Variants in KCTD1 observed in about 807,000 individuals in gnomAD.
KCTD1 encodes the protein potassium channel tetramerization domain containing 1.
A neutral mutation model predicts 66.0 loss-of-function variants in KCTD1; 24 were observed. The ratio of observed to expected loss-of-function variants is 0.36; its 90% CI spans 0.26 to 0.51. The LOEUF (loss-of-function observed/expected upper bound fraction) is 0.51. Ranked by LOEUF, KCTD1 falls within the 20% of genes least tolerant of loss-of-function variation. The pLI is 0.95. For missense variants in KCTD1, 943 were observed against 1,205.2 expected, an observed-to-expected ratio of 0.78 and a Z score of 3.22; for synonymous variants, 511 against 517.2, an observed-to-expected ratio of 0.99 and a Z score of 0.16.
chr18:26,593,345 AGAGGAGGAGGAGGAAGAGGAGGAG>A (rs1370037950), intron 1 of KCTD1, among the ~76,000 whole-genome samples: 1 of 32,158 alleles, frequency 3.1e-5, no homozygotes, highest in Non-Finnish European at 8.3e-5. Flanking sequence ...AAGAGGAGGA[AGAGGAGGAGGAGGAAGAGGAGGAG>A]GAGGAAGAGG....
intron 3 of KCTD1, among the ~76,000 whole-genome samples, chr18:26,462,340 C>T (rs1451667985): frequency 6.6e-6 from 1 of 152,246 alleles, no homozygotes; most frequent in Admixed American, 6.5e-5. Flanking sequence ...GGGCTAGAGT[C>T]TCATGGGCCT....
intron 1 of KCTD1, among the ~76,000 whole-genome samples, chr18:26,568,898 G>GA (rs1243999406): frequency 6.6e-6 from 1 of 152,100 alleles, no homozygotes; most frequent in South Asian, 2.1e-4. Context: ...TTTTCTTTGG[G>GA]AAAATAAAGA....
intron 1 of KCTD1, among the ~76,000 whole-genome samples, chr18:26,636,872 G>A (rs1027010339): frequency 1.2e-4 from 18 of 152,192 alleles, no homozygotes; most frequent in Admixed American, 7.2e-4. Context: ...CAACCTAGCC[G>A]GCAGTTGCTG....
chr18:26,533,186 G>C (rs905628715), intron 1 of KCTD1, among the ~76,000 whole-genome samples: 3 of 152,212 alleles, frequency 2.0e-5, no homozygotes, highest in Admixed American at 6.5e-5. Flanking sequence ...GAGATATGTA[G>C]TAGCCCTCTT....
chr18:26,629,414 G>A (rs1280136355), upstream of KCTD1, among the ~76,000 whole-genome samples: 1 of 152,228 alleles, frequency 6.6e-6, no homozygotes, highest in Non-Finnish European at 1.5e-5. Context: ...AAGATACCAA[G>A]GCAGAAGAGG....
intron 1 of KCTD1, among the ~76,000 whole-genome samples, chr18:26,527,849 G>GA (rs1361440840): frequency 2.1e-5 from 3 of 145,324 alleles, no homozygotes; most frequent in East Asian, 4.2e-4. Flanking sequence ...ATAAATAAGA[G>GA]AAAAAAAATA....
chr18:26,594,396 A>C (rs559392201), intron 1 of KCTD1, among the ~76,000 whole-genome samples: 12 of 152,370 alleles, frequency 7.9e-5, no homozygotes, highest in African/African-American at 2.6e-4. Context: ...GGTGGAGGAG[A>C]GAAGTGATTT....
At chr18:26,456,329 A>ATGAT (rs1980085983) in intron 4 of KCTD1, 1 of 153,936 alleles carries the variant, frequency 6.5e-6, no homozygotes, top group African/African-American at 2.4e-5. Context: ...ATCCTATGAG[A>ATGAT]TGATAAAGAA....
At position 26,455,710 on chromosome 18, in the gene KCTD1, G is replaced by GTGTT; in HGVS notation, c.*29_*32dup. ...TTTTTGTTTGAGTTATTGGTTGTGT[G>GTGTT]TGTTTTCCTTTTTGCATAAGAAATA... On this transcript the variant is annotated 3_prime_UTR_variant, in exon 5 of 5. Transcript: ENST00000580059. 6.2e-7 allele frequency: 1 copy of GTGTT among 1,613,654 alleles called. No homozygotes were observed. The highest frequency in any genetic ancestry group is 8.5e-7 in the Non-Finnish European group (1 of 1,179,844).
intron 1 of KCTD1, among the ~76,000 whole-genome samples, chr18:26,603,868 G>A (rs114237543): frequency 0.013 from 1,980 of 151,960 alleles, 46 homozygotes; most frequent in African/African-American, 0.046. Context: ...TGAAAAAGAC[G>A]TCAAAAGTAA....
At chr18:26,504,483 C>T (rs1982928852) in intron 1 of KCTD1, among the ~76,000 whole-genome samples, 1 of 152,146 alleles carries the variant, frequency 6.6e-6, no homozygotes, top group South Asian at 2.1e-4. Flanking sequence ...CCTCCTGCCT[C>T]GGCCTCCAAA....
chr18:26,558,081 G>A (rs1225728456), intron 1 of KCTD1, among the ~76,000 whole-genome samples: 1 of 152,194 alleles, frequency 6.6e-6, no homozygotes, highest in Non-Finnish European at 1.5e-5. Flanking sequence ...TGGCTGGGAG[G>A]CCCCAGGACA....
At chr18:26,642,345 T>C (rs1401820740), upstream of KCTD1, among the ~76,000 whole-genome samples, 1 of 152,182 alleles carries the variant, frequency 6.6e-6, no homozygotes, top group African/African-American at 2.4e-5. Context: ...CTCCCAGAAA[T>C]CGGTGCCTCT....
chr18:26,611,661 T>G (rs541870326), intron 1 of KCTD1, among the ~76,000 whole-genome samples: 2 of 152,270 alleles, frequency 1.3e-5, no homozygotes, highest in African/African-American at 4.8e-5. Context: ...ATAATAACTG[T>G]TTTAGTGCCC....
intron 1 of KCTD1, among the ~76,000 whole-genome samples, chr18:26,532,263 T>TC: frequency 3.7e-5 from 1 of 26,832 alleles, no homozygotes; most frequent in South Asian, 1.5e-3. Flanking sequence ...CTTTCCTTCT[T>TC]TTTTTTTTTT....
chr18:26,654,974 G>A (rs1017612619), intron 1 of KCTD1, among the ~76,000 whole-genome samples: 1 of 152,142 alleles, frequency 6.6e-6, no homozygotes, highest in Non-Finnish European at 1.5e-5. Flanking sequence ...GAATAAATCG[G>A]CACACTGCCC....
intron 4 of KCTD1, chr18:26,458,442 C>G (rs559233359): frequency 6.6e-6 from 1 of 152,262 alleles, no homozygotes; most frequent in Admixed American, 6.5e-5. Flanking sequence ...AAACTAGAAC[C>G]CTCACTCCAT....
At chr18:26,461,972 G>A (rs1980458943) in intron 3 of KCTD1, among the ~76,000 whole-genome samples, 1 of 152,138 alleles carries the variant, frequency 6.6e-6, no homozygotes, top group Non-Finnish European at 1.5e-5. Flanking sequence ...CAAAAAATTA[G>A]CCGGGCATGG....
intron 4 of KCTD1, 123 bp downstream of exon 4, chr18:26,459,497 C>T: frequency 1.1e-6 from 1 of 898,066 alleles, no homozygotes. Flanking sequence ...TTCACCTACC[C>T]AACAGAAGTG....
Sources: gnomAD v4.1 joint callset for allele counts (sites outside exome capture counted in the v4.1 genomes callset) on GRCh38, gnomAD v4.1.1 for gene constraint, MANE v1.5 for transcripts, NCBI Gene and HGNC (gene_info 2026-07-23, HGNC 2026-07-21) for gene names.